Variants in AGAP1 observed in about 807,000 individuals in gnomAD.
AGAP1 encodes the protein arf-GAP with GTPase, ANK repeat and PH domain-containing protein 1.
A neutral mutation model predicts 105.3 loss-of-function variants in AGAP1; 29 were observed. That is an observed-to-expected ratio of 0.28 (90% CI 0.21 to 0.38). AGAP1 has a LOEUF of 0.38. Ranked by LOEUF, AGAP1 falls within the 10% of genes least tolerant of loss-of-function variation. AGAP1 has a pLI of 1.00. For synonymous variants in AGAP1, 509 were observed against 485.9 expected (o/e 1.05, Z -0.63); for missense variants, 998 against 1,165.1 (o/e 0.86, Z 2.09).
In AGAP1 at chr2:235,735,700, C is replaced by G. The variant is rs116072499; in HGVS notation, c.311-5263C>G. Among the ~76,000 whole-genome samples, 338 of 152,266 alleles carry G rather than the reference C, an allele frequency of 2.2e-3. 1 individual carries two copies. The highest frequency in any genetic ancestry group is 7.7e-3 in the African/African-American group (322 of 41,560). On this transcript the variant is annotated intron_variant, in intron 3 of 17. Transcript: ENST00000304032. Reference sequence around the variant, plus strand: ...AGTTCCACCTTCCATATACTTTTCTCTCTGCAGTGTGGGATTTAGGGAGAA... The same window carrying G: ...AGTTCCACCTTCCATATACTTTTCTGTCTGCAGTGTGGGATTTAGGGAGAA...
In AGAP1 at chr2:235,600,963, CTTG is replaced by C. The variant is rs1200011396; in HGVS notation, c.163+106120_163+106122del. On this transcript the variant is annotated intron_variant, in intron 1 of 17. Coordinates refer to ENST00000304032, the MANE Select transcript of AGAP1 (RefSeq NM_001037131.3). This position sits in a 1 kb window ranked among gnomAD's most constrained non-coding sequence, Gnocchi z 4.8. ...GCTGGTGCTCACTTTATTTTTACTG[CTTG>C]TTGTTCTGGCCCCAGATCTCAGAGT... Among the ~76,000 whole-genome samples, 3 of 152,142 alleles carry C rather than the reference CTTG, an allele frequency of 2.0e-5. No homozygotes were observed. Among genetic ancestry groups the C allele is most frequent in the Middle Eastern group, 3.2e-3 (1 of 316 alleles).
rs1191473410 is a variant in AGAP1 at position 235,620,566 on chromosome 2, A to G, written c.164-88613A>G. ...CCTCGCATCCTTCAGCCTCACCTCC[A>G]GTGTCATTGAGGACCCTCCGTGGCA... On this transcript the variant is annotated intron_variant, in intron 1 of 17. Transcript: ENST00000304032. This position sits in a 1 kb window ranked among gnomAD's most constrained non-coding sequence, Gnocchi z 4.5. 1.3e-5 allele frequency among the ~76,000 whole-genome samples: 2 copies of G among 152,050 alleles called. No homozygotes were observed. Among genetic ancestry groups the G allele is most frequent in the Non-Finnish European group, 2.9e-5 (2 of 68,008 alleles).
In AGAP1 at chr2:236,124,030, G is replaced by A. The variant is rs779777256; in HGVS notation, c.2482G>A (p.Asp828Asn). Residue 828 changes from aspartate to asparagine, a missense_variant, in exon 18 of 18, where the codon GAC (aspartate) becomes AAC (asparagine). Asp to Asn is a conservative substitution (Grantham distance 23). Transcript: ENST00000304032. The surrounding 1 kb of genome is among the most constrained non-coding windows in gnomAD (Gnocchi z 5.1). ...CGTGCTGCTGCAGTACGGCTGCCCC[G>A]ACGAGCGCTTCGTGCTCATGGCCAC... is the stretch of plus-strand genomic sequence containing the variant. Reference protein sequence around the residue: ...IDVLLQYGCPDERFVLMATPN... With the variant: ...IDVLLQYGCPNERFVLMATPN... 2.0e-5 allele frequency: 32 copies of A among 1,614,040 alleles called. No homozygotes were observed. The South Asian group carries it at 2.4e-4, about 12-fold the overall frequency.
At chr2:235,968,325 A>G (rs2054490033) in intron 12 of AGAP1, 137 bp from the exon 13 acceptor site, 2 of 1,187,204 alleles carry the variant, frequency 1.7e-6, no homozygotes, top group Non-Finnish European at 1.1e-6. Flanking sequence ...CAACTCAGCA[A>G]TACAGTAATG....
At chr2:235,833,850 A>T in intron 9 of AGAP1, among the ~76,000 whole-genome samples, 1 of 134,412 alleles carries the variant, frequency 7.4e-6, no homozygotes, top group Non-Finnish European at 1.5e-5. Context: ...CAATCCTCCA[A>T]TCTGGTTTTT....
rs142932278 is a variant in AGAP1, at chr2:235,931,044, C to T, written c.1483+121C>T. On this transcript the variant is annotated intron_variant, in intron 12 of 17. Transcript: ENST00000304032. This position sits in a 1 kb window ranked among gnomAD's most constrained non-coding sequence, Gnocchi z 5.6. ...TCTGGGAGCGCAGCACCCTGTGGGGCGGCTGCATCAGAGACTCACATCTTG... is the reference window on the plus strand; with the variant it reads ...TCTGGGAGCGCAGCACCCTGTGGGGTGGCTGCATCAGAGACTCACATCTTG... 6,525 of 1,172,436 alleles carry T rather than the reference C, an allele frequency of 5.6e-3. 25 individuals carry two copies. Among genetic ancestry groups the T allele is most frequent in the Non-Finnish European group, 6.8e-3 (5,842 of 862,186 alleles). The allele number at this position is 1,172,436 out of a possible 1,614,324, so 72.6% of individuals were successfully genotyped here.
chr2:235,645,778 T>TTTCTTGTG (rs1195030597), intron 1 of AGAP1, among the ~76,000 whole-genome samples: 2 of 152,224 alleles, frequency 1.3e-5, no homozygotes, highest in African/African-American at 4.8e-5. Context: ...CTGCTACCTG[T>TTTCTTGTG]TTCTTGTGTT....
At chr2:235,498,948 G>T (rs1423232224) in intron 1 of AGAP1, among the ~76,000 whole-genome samples, 1 of 152,200 alleles carries the variant, frequency 6.6e-6, no homozygotes, top group Admixed American at 6.5e-5. Context: ...GTGTTTGGGG[G>T]ACCTGGGAAG....
intron 9 of AGAP1, among the ~76,000 whole-genome samples, chr2:235,860,263 G>A (rs983654052): frequency 4.6e-5 from 7 of 152,176 alleles, no homozygotes; most frequent in African/African-American, 1.7e-4. Flanking sequence ...AAGGCAAAAA[G>A]GAAGATAATA....
At chr2:236,106,208 G>A (rs1284831698) in intron 16 of AGAP1, among the ~76,000 whole-genome samples, 1 of 152,258 alleles carries the variant, frequency 6.6e-6, no homozygotes, top group Non-Finnish European at 1.5e-5. Context: ...CAGTGTGGCT[G>A]GAGCTGGAGA....
chr2:235,885,624 AAAG>A (rs1313590792), intron 10 of AGAP1, among the ~76,000 whole-genome samples: 1 of 152,240 alleles, frequency 6.6e-6, no homozygotes, highest in Non-Finnish European at 1.5e-5. Context: ...TTACCTTCAG[AAAG>A]AAGAGCTTTT....
intron 1 of AGAP1, among the ~76,000 whole-genome samples, chr2:235,585,865 C>T (rs2149199647): frequency 6.6e-6 from 1 of 152,258 alleles, no homozygotes. Context: ...CTCGTCCTTT[C>T]TGTTTAATTG....
rs1238991520 is a variant in AGAP1 at position 236,002,416 on chromosome 2, C to T, written c.1645+33793C>T. Among the ~76,000 whole-genome samples the T allele has an allele frequency of 3.3e-5, 5 of 152,260 alleles. No homozygotes were observed. The South Asian group carries it at 8.3e-4, about 25-fold the overall frequency. Reference sequence around the variant, plus strand: ...ACTCTCTTCCAAGTATCTGATTGCACGCATGTGCACATGTGTGAGTAGGGG... The same window carrying T: ...ACTCTCTTCCAAGTATCTGATTGCATGCATGTGCACATGTGTGAGTAGGGG... On this transcript the variant is annotated intron_variant, in intron 13 of 17. Coordinates refer to ENST00000304032, the MANE Select transcript of AGAP1 (RefSeq NM_001037131.3). The surrounding 1 kb of genome is among the most constrained non-coding windows in gnomAD (Gnocchi z 4.3).
At chr2:235,722,369 A>C (rs1951430976) in intron 3 of AGAP1, among the ~76,000 whole-genome samples, 1 of 152,220 alleles carries the variant, frequency 6.6e-6, no homozygotes, top group Non-Finnish European at 1.5e-5. Flanking sequence ...TAGTGCGTGA[A>C]TATACTTTAT....
Position 235,927,943 on chromosome 2 carries a change from T to C in AGAP1, c.1325-2822T>C, listed in dbSNP as rs1169169578. 6.6e-6 allele frequency among the ~76,000 whole-genome samples: 1 copy of C among 152,236 alleles called. No homozygotes were observed. The highest frequency in any genetic ancestry group is 2.4e-5 in the African/African-American group (1 of 41,466). On this transcript the variant is annotated intron_variant, in intron 11 of 17. Coordinates refer to ENST00000304032, the MANE Select transcript of AGAP1 (RefSeq NM_001037131.3). The surrounding 1 kb of genome is among the most constrained non-coding windows in gnomAD (Gnocchi z 4.4). ...AAATGAGGTCTGTGGACAGATGGCA[T>C]GCTTAATAATGACTTGACAGGGGTC...
rs545061570 is a variant in AGAP1, at chr2:235,622,189, G to A, written c.164-86990G>A. Among the ~76,000 whole-genome samples the A allele has an allele frequency of 8.7e-4, 132 of 152,168 alleles. No homozygotes were observed. The highest frequency in any genetic ancestry group is 1.5e-3 in the Non-Finnish European group (105 of 68,004). ...TAGCTTAGGTTTTATAAAAGCTGAT[G>A]TTCTTCATGCTCTTCCCAATTTTGG... On this transcript the variant is annotated intron_variant, in intron 1 of 17. Transcript: ENST00000304032. The surrounding 1 kb of genome is among the most constrained non-coding windows in gnomAD (Gnocchi z 5.0).
In AGAP1 at chr2:235,754,622, T is replaced by C. The variant is rs184024743; in HGVS notation, c.673+4134T>C. On this transcript the variant is annotated intron_variant, in intron 6 of 17. Coordinates refer to ENST00000304032, the MANE Select transcript of AGAP1 (RefSeq NM_001037131.3). The surrounding 1 kb of genome is among the most constrained non-coding windows in gnomAD (Gnocchi z 4.6). ...CTTGCATTCACTTTTTGTTCGCTTG[T>C]GTGGTCCTGTTTACTTTGCTTTCAT... Among the ~76,000 whole-genome samples the C allele has an allele frequency of 5.9e-5, 9 of 152,344 alleles. No homozygotes were observed. The East Asian group carries it at 1.5e-3, about 26-fold the overall frequency.
chr2:235,638,933 C>T lies in AGAP1; in HGVS notation c.164-70246C>T, dbSNP rs36049275. Among the ~76,000 whole-genome samples the T allele has an allele frequency of 5.8e-3, 884 of 152,296 alleles. 6 individuals carry two copies. Among genetic ancestry groups the T allele is most frequent in the Middle Eastern group, 0.037 (11 of 294 alleles). ...TCTACCTACTAGATGCCAGTAACAT[C>T]TCTTCCAGTTGCGGTGACCAAAAAT... On this transcript the variant is annotated intron_variant, in intron 1 of 17. Transcript: ENST00000304032.
rs946238827 is a variant in AGAP1, at chr2:235,608,800, G to A, written c.164-100379G>A. 1.1e-4 allele frequency among the ~76,000 whole-genome samples: 16 copies of A among 152,188 alleles called. No individual in the cohort carries two copies. The highest frequency in any genetic ancestry group is 1.3e-4 in the Non-Finnish European group (9 of 68,042). ...TGATGGCAGGTCTTGAGGTCAGTCT[G>A]TCAGAGGCCTGGGAGATCAGGGGAC... On this transcript the variant is annotated intron_variant, in intron 1 of 17. Coordinates refer to ENST00000304032, the MANE Select transcript of AGAP1 (RefSeq NM_001037131.3). The surrounding 1 kb of genome is among the most constrained non-coding windows in gnomAD (Gnocchi z 5.4).
Sources: gnomAD v4.1 joint callset for allele counts (sites outside exome capture counted in the v4.1 genomes callset) on GRCh38, gnomAD v4.1.1 for gene constraint, Gnocchi (gnomAD v3.1) non-coding constraint, MANE v1.5 for transcripts, NCBI Gene and HGNC (gene_info 2026-07-23, HGNC 2026-07-21) for gene names.